The following ATP9A variants were observed in gnomAD, a reference collection of about 807,000 sequenced individuals.
The protein encoded by ATP9A is ATPase phospholipid transporting 9A.
A neutral mutation model predicts 144.1 loss-of-function variants in ATP9A; 52 were observed. That is an observed-to-expected ratio of 0.36 (90% CI 0.29 to 0.45). ATP9A has a LOEUF of 0.45. Ranked by LOEUF, ATP9A falls within the 20% of genes least tolerant of loss-of-function variation. The pLI, the probability that ATP9A is intolerant of heterozygous loss-of-function variation, is 1.00. For synonymous variants in ATP9A, 582 were observed against 557.4 expected (o/e 1.04, Z -0.62); for missense variants, 947 against 1,392.7 (o/e 0.68, Z 5.09).
chr20:51,677,058 C>T (rs952703533), intron 9 of ATP9A, among the ~76,000 whole-genome samples: 4 of 151,286 alleles, frequency 2.6e-5, no homozygotes, highest in Admixed American at 6.6e-5. Flanking sequence ...TTCAGCCTCC[C>T]GAGTAGCTGG....
At chr20:51,630,943 T>C (rs2077267412) in intron 15 of ATP9A, among the ~76,000 whole-genome samples, 1 of 152,114 alleles carries the variant, frequency 6.6e-6, no homozygotes, top group African/African-American at 2.4e-5. Context: ...AAGCCCTGGG[T>C]CTAGGGAGTA....
At chr20:51,768,106 G>A (rs1303480429) in intron 1 of ATP9A, among the ~76,000 whole-genome samples, 196 bp downstream of exon 1, 1 of 151,974 alleles carries the variant, frequency 6.6e-6, no homozygotes, top group Non-Finnish European at 1.5e-5. Context: ...ACCCCAAAGG[G>A]CCGGCATCAG....
intron 14 of ATP9A, among the ~76,000 whole-genome samples, chr20:51,652,807 T>TAA (rs369268216): frequency 2.0e-5 from 3 of 148,416 alleles, no homozygotes; most frequent in African/African-American, 4.9e-5. Context: ...ATAAAAGTTG[T>TAA]AAAAAAAAAA....
chr20:51,749,267 A>C (rs1346125014), intron 1 of ATP9A, among the ~76,000 whole-genome samples: 3 of 152,074 alleles, frequency 2.0e-5, no homozygotes, highest in African/African-American at 7.2e-5. Context: ...ACGAGCTCAG[A>C]ATTTTTTTTT....
chr20:51,724,357 T>G (rs769264697), intron 3 of ATP9A, among the ~76,000 whole-genome samples: 73 of 152,086 alleles, frequency 4.8e-4, no homozygotes, highest in Non-Finnish European at 9.7e-4. Context: ...CCTCTTTCTG[T>G]TTCTCAAATG....
In ATP9A at chr20:51,768,331, C is replaced by T; in HGVS notation, c.39G>A (p.Lys13=). Residue 13 remains lysine (K), a synonymous_variant, in exon 1 of 28, where the codon AAG becomes AAA. Transcript: ENST00000338821. ...DNIPLQPVRQ[K]KRMDSRPRAG... ...CGCGGGGCCTGCTGTCCATCCGCTT[C>T]TTCTGGCGCACCGGCTGCAGCGGGA... is the stretch of plus-strand genomic sequence containing the variant. 1 of 1,312,688 alleles carries T rather than the reference C, an allele frequency of 7.6e-7. No individual in the cohort carries two copies. Among genetic ancestry groups the T allele is most frequent in the Non-Finnish European group, 9.8e-7 (1 of 1,020,590 alleles). The allele number at this position is 1,312,688 out of a possible 1,614,324, so 81.3% of individuals were successfully genotyped here.
intron 27 of ATP9A, among the ~76,000 whole-genome samples, chr20:51,602,571 CTCCTTTAGT>C (rs1278907549): frequency 6.6e-6 from 1 of 152,244 alleles, no homozygotes; most frequent in Non-Finnish European, 1.5e-5. Context: ...CACAGGGATG[CTCCTTTAGT>C]TCCTGGAGCG....
At position 51,760,884 on chromosome 20, in the gene ATP9A, G is replaced by A. The variant is rs191266328; in HGVS notation, c.68+7418C>T. Reference sequence around the variant, plus strand: ...CTAAAAATACAAAAATTAGCTGGGCGTGGTGGTGGCGCAGGCCTGTAGTAG... The same window carrying A: ...CTAAAAATACAAAAATTAGCTGGGCATGGTGGTGGCGCAGGCCTGTAGTAG... On this transcript the variant is annotated intron_variant, in intron 1 of 27. Transcript: ENST00000338821. Among the ~76,000 whole-genome samples, 92 of 151,984 alleles carry A rather than the reference G, an allele frequency of 6.1e-4. 1 individual carries two copies. Among genetic ancestry groups the A allele is most frequent in the Admixed American group, 4.7e-3 (72 of 15,242 alleles).
intron 14 of ATP9A, among the ~76,000 whole-genome samples, chr20:51,640,085 C>T (rs1022538297): frequency 1.3e-5 from 2 of 152,038 alleles, no homozygotes; most frequent in African/African-American, 4.8e-5. Context: ...ACTCTGTCCC[C>T]GTCCCCACCC....
At position 51,611,466 on chromosome 20, in the gene ATP9A, C is replaced by T. The variant is rs2077184535; in HGVS notation, c.2572-1301G>A. On this transcript the variant is annotated intron_variant, in intron 23 of 27. Coordinates refer to ENST00000338821, the MANE Select transcript of ATP9A (RefSeq NM_006045.3). This position sits in a 1 kb window ranked among gnomAD's most constrained non-coding sequence, Gnocchi z 4.2. ...GTCATCCTAACCACAAAGTCTTCAT[C>T]TCGACAAGAGCACTTTGGGAAAAAT... Among the ~76,000 whole-genome samples, 2 of 152,228 alleles carry T rather than the reference C, an allele frequency of 1.3e-5. No homozygotes were observed. Among genetic ancestry groups the T allele is most frequent in the Non-Finnish European group, 2.9e-5 (2 of 68,042 alleles).
At chr20:51,623,801 A>AAAAAGAAAGAAAGAAAGAAAGAAAG (rs558189054) in intron 18 of ATP9A, among the ~76,000 whole-genome samples, 13 of 133,420 alleles carry the variant, frequency 9.7e-5, no homozygotes, top group African/African-American at 3.6e-4. Flanking sequence ...AAAAAAAAAA[A>AAAAAGAAAGAAAGAAAGAAAGAAAG]AAAGAAAGAA....
intron 24 of ATP9A, among the ~76,000 whole-genome samples, chr20:51,609,610 C>CT (rs1254697693): frequency 6.6e-6 from 1 of 152,196 alleles, no homozygotes; most frequent in Non-Finnish European, 1.5e-5. Flanking sequence ...GACACCATCT[C>CT]TGTCACTGTG....
chr20:51,736,837 C>G (rs1466738628), intron 1 of ATP9A, among the ~76,000 whole-genome samples: 1 of 151,464 alleles, frequency 6.6e-6, no homozygotes, highest in Non-Finnish European at 1.5e-5. Flanking sequence ...CCAGGCAAGA[C>G]TATAGAGCAG....
At chr20:51,614,379 C>A (rs1165349648) in intron 22 of ATP9A, among the ~76,000 whole-genome samples, 1 of 152,172 alleles carries the variant, frequency 6.6e-6, no homozygotes, top group African/African-American at 2.4e-5. Context: ...TGGCTTACAG[C>A]AACTTCTGCC....
intron 22 of ATP9A, among the ~76,000 whole-genome samples, chr20:51,617,240 G>A (rs961942897): frequency 1.3e-5 from 2 of 151,508 alleles, no homozygotes; most frequent in Admixed American, 6.6e-5. Flanking sequence ...CCACCACACC[G>A]GGCCTAGAAA....
chr20:51,765,004 AACC>A (rs1448588618), intron 1 of ATP9A, among the ~76,000 whole-genome samples: 1 of 152,138 alleles, frequency 6.6e-6, no homozygotes, highest in Non-Finnish European at 1.5e-5. Context: ...TACAGGCTTG[AACC>A]ACCACATCTG....
At position 51,597,589 on chromosome 20, in the gene ATP9A, T is replaced by C. The variant is rs2077124633; in HGVS notation, c.*3622A>G. The C allele has an allele frequency of 2.0e-5, 3 of 151,974 alleles. No homozygotes were observed. Among genetic ancestry groups the C allele is most frequent in the East Asian group, 1.9e-4 (1 of 5,182 alleles). 9.4% of individuals were successfully genotyped at this position (151,974 alleles called of 1,614,324 possible). A position where few individuals can be genotyped will look rare whatever the true frequency, so the allele number is the denominator to read the frequency against. On this transcript the variant is annotated 3_prime_UTR_variant, in exon 28 of 28. Coordinates refer to ENST00000338821, the MANE Select transcript of ATP9A (RefSeq NM_006045.3). ...ATACAGAAAAGGTTAAAGATAAAAA[T>C]AGCTGATAGGTGTTTAAGTAGGATG...
rs761097614 is a variant in ATP9A at position 51,676,139 on chromosome 20, C to T, written c.869G>A (p.Arg290Gln). Reference sequence around the variant, plus strand: ...CCATGACCTCGTACACACCTTACTTCGGGGATTTGAGGTATTCATGACACT... The same window carrying T: ...CCATGACCTCGTACACACCTTACTTTGGGGATTTGAGGTATTCATGACACT... Reference protein sequence around the residue: ...LRSVMNTSNPRSKIGLFDLEV... With the variant: ...LRSVMNTSNPQSKIGLFDLEV... The change falls in exon 10 of 28, where the codon CGA (arginine) becomes CAA (glutamine). Residue 290 changes from arginine (R) to glutamine (Q), a missense_variant. Arg to Gln is a conservative substitution (Grantham distance 43). Around this residue, in one of 2 missense-constraint regions of ATP9A, gnomAD observed 770 missense variants for 1,047.9 expected, o/e 0.73. Transcript: ENST00000338821. 11 of 1,611,678 alleles carry T rather than the reference C, an allele frequency of 6.8e-6. 1 individual carries two copies. The highest frequency in any genetic ancestry group is 3.3e-5 in the South Asian group (3 of 91,022).
At chr20:51,716,144 A>T (rs2077660923) in intron 3 of ATP9A, among the ~76,000 whole-genome samples, 1 of 152,120 alleles carries the variant, frequency 6.6e-6, no homozygotes, top group Non-Finnish European at 1.5e-5. Context: ...AACTCAATGA[A>T]CTGAAAACTG....
Sources: gnomAD v4.1 joint callset for allele counts (sites outside exome capture counted in the v4.1 genomes callset) on GRCh38, gnomAD v4.1.1 for gene constraint, gnomAD v4.1.1 regional missense constraint, Gnocchi (gnomAD v3.1) non-coding constraint, MANE v1.5 for transcripts, NCBI Gene and HGNC (gene_info 2026-07-23, HGNC 2026-07-21) for gene names.